The following MBNL1 variants were observed in gnomAD, a reference collection of about 807,000 sequenced individuals.
MBNL1 encodes muscleblind like splicing regulator 1.
MBNL1 carries 8 observed loss-of-function variants against 42.2 expected under a neutral mutation model. That is an observed-to-expected ratio of 0.19 (90% CI 0.11 to 0.34). MBNL1 has a LOEUF of 0.34. MBNL1 is among the 10% of genes least tolerant of loss of function. The pLI is 1.00. For missense variants in MBNL1, 309 were observed against 495.3 expected (o/e 0.62, Z 3.57); for synonymous variants, 169 against 173.9 (o/e 0.97, Z 0.22).
intron 2 of MBNL1, among the ~76,000 whole-genome samples, chr3:152,312,191 C>CAAAAAAAAAA (rs34750394): frequency 2.1e-5 from 1 of 47,494 alleles, no homozygotes; most frequent in Non-Finnish European, 4.4e-5. Flanking sequence ...GACTCCGTCT[C>CAAAAAAAAAA]AAAAAAAAAA....
intron 2 of MBNL1, among the ~76,000 whole-genome samples, chr3:152,404,727 T>C (rs2098376449): frequency 6.7e-6 from 1 of 150,294 alleles, no homozygotes; most frequent in Non-Finnish European, 1.5e-5. Context: ...CACAAAGATA[T>C]ATAACTTTTT....
At chr3:152,329,900 A>G (rs755536810) in intron 2 of MBNL1, among the ~76,000 whole-genome samples, 2 of 151,808 alleles carry the variant, frequency 1.3e-5, no homozygotes, top group East Asian at 1.9e-4. Context: ...AGGAGTACCA[A>G]TCTCTAAATA....
intron 2 of MBNL1, among the ~76,000 whole-genome samples, chr3:152,324,901 A>G (rs1281350373): frequency 2.0e-5 from 3 of 152,060 alleles, no homozygotes; most frequent in Non-Finnish European, 2.9e-5. Context: ...TACTCAAATA[A>G]TGCTACCTGT....
rs772237267 is a variant in MBNL1 at position 152,447,725 on chromosome 3, G to A, written c.913G>A (p.Ala305Thr). Residue 305 changes from alanine (A) to threonine (T), a missense_variant, in exon 6 of 10, where the codon GCT (alanine) becomes ACT (threonine). Ala to Thr is a moderately conservative substitution (Grantham distance 58). Coordinates refer to ENST00000324210, the MANE Select transcript of MBNL1 (RefSeq NM_021038.5). ...FNTGIFQYQQ[A>T]LANMQLQQHT... ...CACTGGTATTTTCCAATACCAACAG[G>A]CTCTAGCCAACATGCAGTTACAACA... is the stretch of plus-strand genomic sequence containing the variant. 4 of 1,613,566 alleles carry A rather than the reference G, an allele frequency of 2.5e-6. No homozygotes were observed. The highest frequency in any genetic ancestry group is 2.2e-5 in the East Asian group (1 of 44,850).
At chr3:152,444,245 A>C (rs2099187688) in intron 4 of MBNL1, among the ~76,000 whole-genome samples, 1 of 152,216 alleles carries the variant, frequency 6.6e-6, no homozygotes, top group Non-Finnish European at 1.5e-5. Flanking sequence ...TAAAAGGGTC[A>C]AAGTATCCTG....
chr3:152,422,689 C>T (rs959037888), intron 3 of MBNL1, among the ~76,000 whole-genome samples: 4 of 152,296 alleles, frequency 2.6e-5, no homozygotes, highest in Non-Finnish European at 5.9e-5. Flanking sequence ...ACATCAACTA[C>T]ATAATTGGAA....
chr3:152,420,521 A>G (rs1018188208), intron 3 of MBNL1, among the ~76,000 whole-genome samples: 14 of 152,224 alleles, frequency 9.2e-5, no homozygotes, highest in African/African-American at 3.4e-4. Context: ...CCTGCAGCAG[A>G]GGGGCCTAAC....
intron 2 of MBNL1, among the ~76,000 whole-genome samples, chr3:152,364,594 G>A (rs1808751): frequency 0.74 from 112,017 of 151,770 alleles, 41,529 homozygotes; most frequent in East Asian, 0.81. Context: ...TTTATGGCCA[G>A]AATTGGCTCA....
At chr3:152,353,501 A>AT (rs1311111145) in intron 2 of MBNL1, among the ~76,000 whole-genome samples, 1 of 151,976 alleles carries the variant, frequency 6.6e-6, no homozygotes, top group Admixed American at 6.6e-5. Flanking sequence ...TTGTGTTTCT[A>AT]TTTTTGATTT....
chr3:152,384,694 A>G (rs1020392866), intron 2 of MBNL1, among the ~76,000 whole-genome samples: 10 of 152,166 alleles, frequency 6.6e-5, no homozygotes, highest in Non-Finnish European at 1.0e-4. Context: ...CAGGTTTTAT[A>G]TGATGTTTGT....
intron 3 of MBNL1, among the ~76,000 whole-genome samples, chr3:152,427,914 C>G (rs566201203): frequency 8.6e-5 from 13 of 151,424 alleles, no homozygotes; most frequent in Admixed American, 5.2e-4. Flanking sequence ...CATATACTCC[C>G]TCTATTTTTT....
intron 2 of MBNL1, among the ~76,000 whole-genome samples, chr3:152,400,063 G>A (rs1393166970): frequency 6.6e-6 from 1 of 152,006 alleles, no homozygotes; most frequent in Non-Finnish European, 1.5e-5. Flanking sequence ...TTAACCTCTG[G>A]GAACTGCAGT....
At chr3:152,384,376 A>C (rs2097318890) in intron 2 of MBNL1, among the ~76,000 whole-genome samples, 1 of 152,080 alleles carries the variant, frequency 6.6e-6, no homozygotes, top group Non-Finnish European at 1.5e-5. Context: ...CTGACTAGAG[A>C]GTTACAGAAA....
At chr3:152,310,508 G>A (rs953324618) in intron 2 of MBNL1, among the ~76,000 whole-genome samples, 1 of 152,106 alleles carries the variant, frequency 6.6e-6, no homozygotes, top group African/African-American at 2.4e-5. Flanking sequence ...CAAAAATATA[G>A]TATATTGATT....
At chr3:152,289,010 C>T (rs2054278991) in intron 1 of MBNL1, among the ~76,000 whole-genome samples, 1 of 151,804 alleles carries the variant, frequency 6.6e-6, no homozygotes, top group Non-Finnish European at 1.5e-5. Context: ...AGATAAAGTA[C>T]AGCATAGGCT....
At chr3:152,349,365 ACAT>A (rs1318107289) in intron 2 of MBNL1, among the ~76,000 whole-genome samples, 3 of 152,122 alleles carry the variant, frequency 2.0e-5, no homozygotes, top group Non-Finnish European at 4.4e-5. Context: ...AAAAAACTAA[ACAT>A]CAGTGGTGTT....
intron 2 of MBNL1, among the ~76,000 whole-genome samples, chr3:152,254,248 TAGAC>T (rs1216171816): frequency 2.0e-5 from 3 of 152,110 alleles, no homozygotes; most frequent in Non-Finnish European, 4.4e-5. Flanking sequence ...AGACAACAAA[TAGAC>T]AGAGAAGTTC....
chr3:152,330,777 G>T (rs1316173983), intron 2 of MBNL1, among the ~76,000 whole-genome samples: 2 of 152,092 alleles, frequency 1.3e-5, no homozygotes, highest in African/African-American at 4.8e-5. Flanking sequence ...AGTTATTGTT[G>T]TTAATCACTT....
At chr3:152,424,292 G>C (rs1315526216) in intron 3 of MBNL1, among the ~76,000 whole-genome samples, 1 of 152,080 alleles carries the variant, frequency 6.6e-6, no homozygotes, top group Non-Finnish European at 1.5e-5. Flanking sequence ...GACAAACAGA[G>C]AGCCAAATCA....
Sources: allele counts gnomAD v4.1 joint callset (sites outside exome capture counted in the v4.1 genomes callset), GRCh38; gene constraint gnomAD v4.1.1; transcripts MANE v1.5; gene names NCBI Gene and HGNC (gene_info 2026-07-23, HGNC 2026-07-21).